Variants in PBX1 observed in about 807,000 individuals in gnomAD.
PBX1 encodes the protein PBX homeobox 1.
PBX1 carries 6 observed loss-of-function variants against 53.4 expected under a neutral mutation model. The ratio of observed to expected loss-of-function variants is 0.11; its 90% CI spans 0.06 to 0.22. The LOEUF is 0.22. PBX1 is among the 10% of genes least tolerant of loss of function. The pLI, the probability that PBX1 is intolerant of heterozygous loss-of-function variation, is 1.00. For synonymous variants in PBX1, 204 were observed against 212.3 expected (o/e 0.96, Z 0.34); for missense variants, 251 against 551.4 (o/e 0.46, Z 5.46).
chr1:164,695,618 C>T (rs1231444422), intron 2 of PBX1, among the ~76,000 whole-genome samples: 1 of 152,180 alleles, frequency 6.6e-6, no homozygotes, highest in Non-Finnish European at 1.5e-5. Context: ...ATAATAATTA[C>T]ATGGTGTTTT....
rs536352013 is a variant in PBX1, at chr1:164,850,631, A to G, written c.*3955A>G. 4.9e-4 allele frequency: 94 copies of G among 192,818 alleles called. No individual in the cohort carries two copies. The highest frequency in any genetic ancestry group is 2.1e-3 in the African/African-American group (90 of 43,232). 11.9% of individuals were successfully genotyped at this position (192,818 alleles called of 1,614,324 possible). On this transcript the variant is annotated 3_prime_UTR_variant, in exon 9 of 9. Coordinates refer to ENST00000420696, the MANE Select transcript of PBX1 (RefSeq NM_002585.4). The stretch of plus-strand genomic sequence containing the variant: ...TAAGAACAAGTAGGCTTGTTCTTCT[A>G]CTTTGCTTCAGAATTCAGTTAATGC...
At chr1:164,870,536 G>A in intron 2 of PBX1, among the ~76,000 whole-genome samples, 2 of 151,802 alleles carry the variant, frequency 1.3e-5, no homozygotes, top group Non-Finnish European at 2.9e-5. Flanking sequence ...TAGAGACGGG[G>A]TTTCGCCATG....
chr1:164,854,243 T>G (rs1206889688), downstream of PBX1: 7 of 152,170 alleles, frequency 4.6e-5, no homozygotes, highest in Non-Finnish European at 8.8e-5. Flanking sequence ...CTGGTCCAAG[T>G]GCAGTCGTGT....
At chr1:164,627,877 A>C (rs1422664671) in intron 2 of PBX1, among the ~76,000 whole-genome samples, 3 of 152,192 alleles carry the variant, frequency 2.0e-5, no homozygotes, top group South Asian at 2.1e-4. Flanking sequence ...GTGTTAGAGA[A>C]GAAGGCCCCT....
chr1:164,691,011 C>CT (rs386368555), intron 2 of PBX1, among the ~76,000 whole-genome samples: 3,412 of 106,474 alleles, frequency 0.032, 228 homozygotes, highest in African/African-American at 0.098. Context: ...GTTGTTAAAT[C>CT]TTTTTTTTTT....
intron 2 of PBX1, chr1:164,787,545 G>A (rs980688790): frequency 6.6e-5 from 10 of 152,238 alleles, no homozygotes; most frequent in Non-Finnish European, 1.5e-4. Context: ...ACTCAGCCAA[G>A]GACAAAACAA....
intron 2 of PBX1, among the ~76,000 whole-genome samples, chr1:164,711,305 C>G (rs149857346): frequency 0.018 from 2,760 of 152,312 alleles, 45 homozygotes; most frequent in Non-Finnish European, 0.031. Context: ...GCTCTGTCGC[C>G]CATGCTGGAG....
At chr1:164,666,671 G>A (rs1486209789) in intron 2 of PBX1, among the ~76,000 whole-genome samples, 3 of 152,168 alleles carry the variant, frequency 2.0e-5, no homozygotes, top group Non-Finnish European at 4.4e-5. Flanking sequence ...TAGGAGAGGT[G>A]CTGAAGCAAA....
At chr1:164,760,060 T>G (rs1052791450) in intron 2 of PBX1, among the ~76,000 whole-genome samples, 2 of 152,190 alleles carry the variant, frequency 1.3e-5, no homozygotes, top group Non-Finnish European at 2.9e-5. Context: ...CTGTAAAAGT[T>G]CAAATACTGA....
intron 2 of PBX1, chr1:164,674,499 C>T (rs995337046): frequency 6.6e-6 from 1 of 152,184 alleles, no homozygotes; most frequent in African/African-American, 2.4e-5. Flanking sequence ...GTTACAGAGA[C>T]AGTTGACGGC....
chr1:164,586,709 G>C lies in PBX1; in HGVS notation c.265+23398G>C, dbSNP rs145994014. 4.6e-3 allele frequency among the ~76,000 whole-genome samples: 694 copies of C among 152,294 alleles called. 9 individuals carry two copies. Among genetic ancestry groups the C allele is most frequent in the African/African-American group, 0.016 (645 of 41,562 alleles). Reference sequence around the variant, plus strand: ...ATCAAAGCAAGAGAAAGAAGTCACAGATTGGCAGGCATGTGGAGGGCTGAT... The same window carrying C: ...ATCAAAGCAAGAGAAAGAAGTCACACATTGGCAGGCATGTGGAGGGCTGAT... On this transcript the variant is annotated intron_variant, in intron 2 of 8. Coordinates refer to ENST00000420696, the MANE Select transcript of PBX1 (RefSeq NM_002585.4).
At chr1:164,736,290 G>A (rs1665266618) in intron 2 of PBX1, among the ~76,000 whole-genome samples, 1 of 152,122 alleles carries the variant, frequency 6.6e-6, no homozygotes, top group Non-Finnish European at 1.5e-5. Flanking sequence ...AAGTAAAAAT[G>A]TGTGAGTGTG....
intron 2 of PBX1, among the ~76,000 whole-genome samples, chr1:164,570,649 A>C (rs1368177337): frequency 2.0e-5 from 3 of 152,168 alleles, no homozygotes; most frequent in African/African-American, 7.2e-5. Flanking sequence ...GCTATTGTGA[A>C]TAGTGCTGCA....
intron 2 of PBX1, among the ~76,000 whole-genome samples, chr1:164,864,233 G>A (rs979504276): frequency 6.6e-6 from 1 of 152,022 alleles, no homozygotes; most frequent in African/African-American, 2.4e-5. Flanking sequence ...ATTAACCCCA[G>A]GACCTGTTAG....
At chr1:164,576,859 T>TAGGGTCTGTTCCTGGGA (rs1161375049) in intron 2 of PBX1, 20 of 152,436 alleles carry the variant, frequency 1.3e-4, no homozygotes, top group South Asian at 6.2e-4. Flanking sequence ...GAGCCGGGCC[T>TAGGGTCTGTTCCTGGGA]AGGGTCTGTT....
At chr1:164,669,733 C>A (rs1005077260) in intron 2 of PBX1, among the ~76,000 whole-genome samples, 3 of 152,136 alleles carry the variant, frequency 2.0e-5, no homozygotes, top group African/African-American at 7.2e-5. Context: ...TGTTCACAGC[C>A]TTCTAATATT....
At chr1:164,834,027 A>ATGTG (rs1289743111) in intron 8 of PBX1, among the ~76,000 whole-genome samples, 3 of 79,268 alleles carry the variant, frequency 3.8e-5, no homozygotes, top group Admixed American at 1.1e-4. Context: ...ATATATATGT[A>ATGTG]TATGTGTGTG....
intron 8 of PBX1, among the ~76,000 whole-genome samples, chr1:164,841,119 A>G (rs1671269887): frequency 6.6e-6 from 1 of 152,224 alleles, no homozygotes; most frequent in Admixed American, 6.5e-5. Flanking sequence ...ACAGCAGCAC[A>G]TGTGCTGTGA....
chr1:164,858,447 GCA>G (rs4035257), intron 2 of PBX1, among the ~76,000 whole-genome samples: 1,782 of 148,408 alleles, frequency 0.012, 21 homozygotes, highest in African/African-American at 0.035. Flanking sequence ...CCCAGAGCCA[GCA>G]CACACACACA....
Sources: allele counts gnomAD v4.1 joint callset (sites outside exome capture counted in the v4.1 genomes callset), GRCh38; gene constraint gnomAD v4.1.1; transcripts MANE v1.5; gene names NCBI Gene and HGNC (gene_info 2026-07-23, HGNC 2026-07-21).